Variants in MGRN1 observed in about 807,000 individuals in gnomAD.
MGRN1 encodes E3 ubiquitin-protein ligase MGRN1.
A neutral mutation model predicts 69.2 loss-of-function variants in MGRN1; 29 were observed. The observed-to-expected ratio is 0.42, with a 90% CI of 0.31 to 0.57. The LOEUF (loss-of-function observed/expected upper bound fraction) is 0.57. Ranked by LOEUF, MGRN1 falls within the 20% of genes least tolerant of loss-of-function variation. The pLI is 0.15. For synonymous variants in MGRN1, 470 were observed against 344.2 expected, an observed-to-expected ratio of 1.37 and a Z score of -4.04; for missense variants, 998 against 796.2, an observed-to-expected ratio of 1.25 and a Z score of -3.05.
At chr16:4,681,280 T>C (rs1055314977) in intron 12 of MGRN1, 5 of 480,252 alleles carry the variant, frequency 1.0e-5, no homozygotes, top group African/African-American at 9.9e-5. Context: ...AGGGGCTGGT[T>C]GAGGCCAGGG....
intron 1 of MGRN1, among the ~76,000 whole-genome samples, chr16:4,643,718 C>T (rs2141857705): frequency 6.6e-6 from 1 of 152,228 alleles, no homozygotes; most frequent in East Asian, 1.9e-4. Context: ...AAAATATGCG[C>T]ACCAATTGAA....
intron 3 of MGRN1, 48 bp downstream of exon 3, chr16:4,652,099 C>T (rs774144897): frequency 1.3e-6 from 2 of 1,571,750 alleles, no homozygotes; most frequent in Non-Finnish European, 1.7e-6. Flanking sequence ...TGGGGCGCAG[C>T]CTGTGGTGGA....
At chr16:4,674,748 C>T (rs1419930098) in intron 10 of MGRN1, among the ~76,000 whole-genome samples, 4 of 142,292 alleles carry the variant, frequency 2.8e-5, no homozygotes, top group African/African-American at 5.1e-5. Flanking sequence ...TCACGCCATT[C>T]TCCTGCCTCA....
chr16:4,630,633 G>A (rs1013709587), intron 1 of MGRN1, among the ~76,000 whole-genome samples: 3 of 151,816 alleles, frequency 2.0e-5, no homozygotes, highest in Admixed American at 6.6e-5. Context: ...TTTTTTAGTA[G>A]AGACGGGGTT....
At chr16:4,679,583 G>A (rs1330109046) in intron 11 of MGRN1, among the ~76,000 whole-genome samples, 1 of 152,236 alleles carries the variant, frequency 6.6e-6, no homozygotes, top group Non-Finnish European at 1.5e-5. Flanking sequence ...CTTCTCCCCA[G>A]CCCTCTTGAG....
chr16:4,628,340 C>G (rs1337029764), intron 1 of MGRN1, among the ~76,000 whole-genome samples: 1 of 144,140 alleles, frequency 6.9e-6, no homozygotes, highest in Non-Finnish European at 1.5e-5. Context: ...GAGCCGAGAT[C>G]ACGCCATTGC....
At chr16:4,656,480 G>A (rs572722142) in intron 4 of MGRN1, among the ~76,000 whole-genome samples, 31 of 152,374 alleles carry the variant, frequency 2.0e-4, no homozygotes, top group African/African-American at 6.7e-4. Context: ...TTCCGGGAGT[G>A]ATCTGTGGGT....
chr16:4,630,848 A>T (rs1357804232), intron 1 of MGRN1, among the ~76,000 whole-genome samples: 2 of 130,638 alleles, frequency 1.5e-5, no homozygotes, highest in Non-Finnish European at 1.6e-5. Context: ...ATAGGGTCTT[A>T]CTCTGTCATT....
intron 9 of MGRN1, among the ~76,000 whole-genome samples, chr16:4,673,182 C>T (rs2078979423): frequency 6.6e-6 from 1 of 152,166 alleles, no homozygotes; most frequent in South Asian, 2.1e-4. Context: ...GTACCCTGAC[C>T]CTCAGGAAGA....
In MGRN1 at chr16:4,661,707, T is replaced by C. The variant is rs373408426; in HGVS notation, c.562-3002T>C. Among the ~76,000 whole-genome samples the C allele has an allele frequency of 1.5e-4, 23 of 152,344 alleles. 1 individual carries two copies. The East Asian group carries it at 2.9e-3, about 19-fold the overall frequency. ...CAGCATAGCCCCCAGCATCAGTGTC[T>C]CTGTCCACCTCTGTCCATGTGTGCG... is the stretch of plus-strand genomic sequence containing the variant. On this transcript the variant is annotated intron_variant, in intron 5 of 16. Transcript: ENST00000262370.
intron 8 of MGRN1, 102 bp from the exon 9 acceptor site, chr16:4,671,289 T>C (rs765407407): frequency 1.9e-5 from 22 of 1,140,076 alleles, no homozygotes; most frequent in Non-Finnish European, 2.8e-5. Flanking sequence ...ACCCCTGGTA[T>C]GGAAGCCTGG....
intron 11 of MGRN1, among the ~76,000 whole-genome samples, chr16:4,679,094 A>G (rs1220417756): frequency 6.6e-6 from 1 of 152,148 alleles, no homozygotes; most frequent in Non-Finnish European, 1.5e-5. Context: ...TCCTGGCACC[A>G]CGCTCTCCAG....
chr16:4,650,323 A>C, intron 1 of MGRN1, 42 bp from the exon 2 acceptor site: 1 of 1,530,330 alleles, frequency 6.5e-7, no homozygotes, highest in African/African-American at 1.4e-5. Context: ...GTCTCAAAAA[A>C]AAAAAAAAAA....
intron 9 of MGRN1, among the ~76,000 whole-genome samples, chr16:4,672,732 A>G (rs577009593): frequency 3.3e-5 from 5 of 152,344 alleles, no homozygotes; most frequent in African/African-American, 9.6e-5. Flanking sequence ...TAGTTTGTGG[A>G]CACCTGTTTT....
intron 8 of MGRN1, among the ~76,000 whole-genome samples, chr16:4,668,721 C>CAT (rs1491033100): frequency 6.7e-6 from 1 of 150,018 alleles, no homozygotes; most frequent in Non-Finnish European, 1.5e-5. Flanking sequence ...CACTCACTCA[C>CAT]ATATACATAG....
chr16:4,677,836 CTTTTTTT>C (rs747139466), intron 11 of MGRN1, among the ~76,000 whole-genome samples: 2 of 111,982 alleles, frequency 1.8e-5, no homozygotes, highest in Non-Finnish European at 1.8e-5. Flanking sequence ...GAGCCAGGTG[CTTTTTTT>C]TTTTTTTTTT....
chr16:4,663,925 T>G (rs566879540), intron 5 of MGRN1: 2 of 152,548 alleles, frequency 1.3e-5, no homozygotes, highest in African/African-American at 4.8e-5. Context: ...CAAGCCAGCC[T>G]CGTGGTCTCC....
chr16:4,638,349 C>T (rs1188240446), intron 1 of MGRN1, among the ~76,000 whole-genome samples: 1 of 151,906 alleles, frequency 6.6e-6, no homozygotes, highest in Non-Finnish European at 1.5e-5. Flanking sequence ...CCTGTAATCT[C>T]AGCTATTTGG....
At chr16:4,643,098 G>A (rs1463702803) in intron 1 of MGRN1, among the ~76,000 whole-genome samples, 1 of 151,974 alleles carries the variant, frequency 6.6e-6, no homozygotes, top group Non-Finnish European at 1.5e-5. Flanking sequence ...TGGGACTATA[G>A]GCACACACCA....
Sources: gnomAD v4.1 joint callset for allele counts (sites outside exome capture counted in the v4.1 genomes callset) on GRCh38, gnomAD v4.1.1 for gene constraint, MANE v1.5 for transcripts, NCBI Gene and HGNC (gene_info 2026-07-23, HGNC 2026-07-21) for gene names.